TGM7: variants seen among roughly 807,000 people sequenced by gnomAD.
TGM7 encodes transglutaminase 7, also known as protein-glutamine gamma-glutamyltransferase Z.
Under a neutral mutation model 79.5 loss-of-function variants are expected in TGM7, and 74 were observed. That is an observed-to-expected ratio of 0.93 (90% CI 0.77 to 1.13). The LOEUF (loss-of-function observed/expected upper bound fraction) is 1.13. Among genes scored for constraint, TGM7 ranks in the 50% most tolerant of loss-of-function variants. The pLI, the probability that TGM7 is intolerant of heterozygous loss-of-function variation, is 0.00. For synonymous variants in TGM7, 354 were observed against 362.5 expected, an observed-to-expected ratio of 0.98 and a Z score of 0.27; for missense variants, 912 against 905.9, an observed-to-expected ratio of 1.01 and a Z score of -0.09.
At chr15:43,284,723 C>T in intron 7 of TGM7, 91 bp downstream of exon 7, 1 of 1,477,790 alleles carries the variant, frequency 6.8e-7, no homozygotes, top group Non-Finnish European at 9.4e-7. Flanking sequence ...GGCAATCTTG[C>T]AATATTTCCT....
Position 43,292,935 on chromosome 15 carries a change from C to A in TGM7, c.213G>T (p.Leu71=), listed in dbSNP as rs764644862. 4 of 1,613,288 alleles carry A rather than the reference C, an allele frequency of 2.5e-6. No individual in the cohort carries two copies. The East Asian group carries it at 8.9e-5, about 36-fold the overall frequency. The change falls in exon 3 of 13, where the codon CTG becomes CTT. Residue 71 remains leucine, a synonymous_variant. Transcript: ENST00000452443. The stretch of plus-strand genomic sequence containing the variant: ...GGAAGAATGTGGCTCGGGTCCCCAG[C>A]AGCTCTGACGGCTTGGGTCCTGTGT... The part of the protein sequence containing the change: ...VAETGPKPSE[L]LGTRATFFLT...
In TGM7 at chr15:43,287,632, A is replaced by G. The variant is rs757453460; in HGVS notation, c.596T>C (p.Leu199Pro). The G allele has an allele frequency of 1.2e-6, 2 of 1,613,992 alleles. No individual in the cohort carries two copies. The highest frequency in any genetic ancestry group is 1.3e-5 in the African/African-American group (1 of 74,922). The change falls in exon 5 of 13, where the codon CTG becomes CCG. Residue 199 changes from leucine to proline, a missense_variant. Coordinates refer to ENST00000452443, the MANE Select transcript of TGM7 (RefSeq NM_052955.3). Reference protein sequence around the residue: ...EDIIDICFEILNKSLYHLKNP... With the variant: ...EDIIDICFEIPNKSLYHLKNP... Reference sequence around the variant, plus strand: ...CTTTAAGTGATACAGGCTCTTGTTCAGGATCTCAAAGCAGATGTCTATGAT... The same window carrying G: ...CTTTAAGTGATACAGGCTCTTGTTCGGGATCTCAAAGCAGATGTCTATGAT...
rs996028365 is a variant in TGM7, at chr15:43,291,960, C to T, written c.558+19G>A. On this transcript the variant is annotated intron_variant, in intron 4 of 12. Transcript: ENST00000452443. ...CCTTAGGGAGCCCACCCCAGGCCCA[C>T]ATTGGGTAATAGTGTTACCTGCCCG... is the stretch of plus-strand genomic sequence containing the variant. 2.5e-6 allele frequency: 4 copies of T among 1,595,258 alleles called. No individual in the cohort carries two copies. Among genetic ancestry groups the T allele is most frequent in the African/African-American group, 2.7e-5 (2 of 74,474 alleles).
At position 43,279,844 on chromosome 15, in the gene TGM7, C is replaced by T; in HGVS notation, c.1459G>A (p.Asp487Asn). 6.2e-7 allele frequency: 1 copy of T among 1,614,226 alleles called. No individual in the cohort carries two copies. Among genetic ancestry groups the T allele is most frequent in the Non-Finnish European group, 8.5e-7 (1 of 1,180,056 alleles). The change falls in exon 10 of 13, where the codon GAT becomes AAT. Residue 487 changes from aspartate (D) to asparagine (N), a missense_variant. By Grantham distance (23) the Asp-to-Asn change is conservative. Coordinates refer to ENST00000452443, the MANE Select transcript of TGM7 (RefSeq NM_052955.3). ...TGAAGCTGCAGCTGCGCTGGCTGAT[C>T]CCTAAGACCCCCAGACTCCAGGAGA... ...LDLLESGGLR[D>N]QPAQLQLHLA...
At chr15:43,297,583 T>G (rs569297823) in intron 1 of TGM7, among the ~76,000 whole-genome samples, 1 of 39,848 alleles carries the variant, frequency 2.5e-5, no homozygotes, top group Admixed American at 3.5e-4. Context: ...GCCATCTGCA[T>G]GTATAGAAAG....
intron 8 of TGM7, 63 bp from the exon 9 acceptor site, chr15:43,282,149 G>T: frequency 6.3e-7 from 1 of 1,594,058 alleles, no homozygotes; most frequent in Non-Finnish European, 8.6e-7. Context: ...TGTGGGAGGT[G>T]GAGATGGGAT....
rs150338152 is a variant in TGM7, at chr15:43,287,792, G to A, written c.559-123C>T. On this transcript the variant is annotated intron_variant, in intron 4 of 12. Transcript: ENST00000452443. ...GGGGATGTGGGGGCAGGGGGAGGGC[G>A]CTAAATATAAGACAAGTTCCTGCCT... The A allele has an allele frequency of 8.4e-4, 960 of 1,139,742 alleles. 5 individuals are homozygous for A. In the African/African-American group the frequency reaches 0.013, roughly 16 times the overall value. 70.6% of individuals were successfully genotyped at this position (1,139,742 alleles called of 1,614,324 possible).
chr15:43,277,649 T>C (rs948041460), intron 11 of TGM7, among the ~76,000 whole-genome samples: 25 of 152,124 alleles, frequency 1.6e-4, no homozygotes, highest in Non-Finnish European at 3.2e-4. Context: ...GGCCTGTGAG[T>C]GGGAGGCAGG....
At chr15:43,298,524 A>C (rs1315798986) in intron 1 of TGM7, among the ~76,000 whole-genome samples, 1 of 152,206 alleles carries the variant, frequency 6.6e-6, no homozygotes, top group African/African-American at 2.4e-5. Context: ...TGGGAGGCCG[A>C]GGCGGGCGGA....
intron 4 of TGM7, among the ~76,000 whole-genome samples, chr15:43,289,434 G>C (rs2042953681): frequency 6.6e-6 from 1 of 152,112 alleles, no homozygotes; most frequent in African/African-American, 2.4e-5. Context: ...TGGTGTATAT[G>C]TGCCACATTT....
chr15:43,302,001 C>T (rs2043027649), intron 1 of TGM7: 4 of 575,606 alleles, frequency 6.9e-6, no homozygotes, highest in African/African-American at 1.9e-5. Context: ...TTTCAGCCCC[C>T]CAGGTTTTAA....
rs549292415 is a variant in TGM7 at position 43,293,548 on chromosome 15, G to A, written c.94C>T (p.Arg32Trp). 3.7e-6 allele frequency: 6 copies of A among 1,609,250 alleles called. No homozygotes were observed. The highest frequency in any genetic ancestry group is 5.1e-6 in the Non-Finnish European group (6 of 1,178,364). ...EHHTQEMGVK[R>W]LTVRRGQPFY... ...GGCTGGCCGCGGCGCACAGTGAGCC[G>A]CTTGACGCCCATCTCCTGCGTGTGG... Residue 32 changes from arginine (R) to tryptophan (W), a missense_variant, in exon 2 of 13, where the codon CGG (arginine) becomes TGG (tryptophan). By Grantham distance (101) the Arg-to-Trp change is moderately radical. Transcript: ENST00000452443.
chr15:43,291,001 A>G lies in TGM7; in HGVS notation c.558+978T>C, dbSNP rs2042961025. Among the ~76,000 whole-genome samples the G allele has an allele frequency of 2.0e-5, 3 of 152,194 alleles. No homozygotes were observed. The South Asian group carries it at 6.2e-4, about 31-fold the overall frequency. On this transcript the variant is annotated intron_variant, in intron 4 of 12. Transcript: ENST00000452443. ...GGTTTTCTAGATATACAATCATGTCATCTGCAAACAGGGACACTTTGACTT... is the reference window on the plus strand; with the variant it reads ...GGTTTTCTAGATATACAATCATGTCGTCTGCAAACAGGGACACTTTGACTT...
intron 7 of TGM7, among the ~76,000 whole-genome samples, chr15:43,284,253 G>C (rs549550954): frequency 3.9e-5 from 6 of 152,192 alleles, no homozygotes; most frequent in South Asian, 2.1e-4. Context: ...TGGAAAAAGA[G>C]AAACAGGAAA....
intron 2 of TGM7, 48 bp downstream of exon 2, chr15:43,293,401 C>T: frequency 6.5e-7 from 1 of 1,536,832 alleles, no homozygotes; most frequent in South Asian, 1.2e-5. Flanking sequence ...TCTGTAAATG[C>T]CCTCATTTTG....
At chr15:43,282,230 T>C in intron 8 of TGM7, 144 bp from the exon 9 acceptor site, 1 of 1,255,850 alleles carries the variant, frequency 8.0e-7, no homozygotes, top group Non-Finnish European at 1.1e-6. Context: ...TTCCCATTAA[T>C]TCATCTGACC....
chr15:43,301,310 A>C (rs915314953), intron 1 of TGM7, among the ~76,000 whole-genome samples: 1 of 151,438 alleles, frequency 6.6e-6, no homozygotes. Context: ...CCATTAGAAC[A>C]TGATACATGC....
rs763843807 is a variant in TGM7 at position 43,279,326 on chromosome 15, AG to A, written c.1679-50del. On this transcript the variant is annotated intron_variant, in intron 10 of 12. Transcript: ENST00000452443. ...TGAGTCCAGGACATGGACCAGAGAG[AG>A]GGGGGACATGTAGATGTGAGAGAGG... 8 of 1,579,910 alleles carry A rather than the reference AG, an allele frequency of 5.1e-6. 2 individuals carry two copies. The South Asian group carries it at 5.7e-5, about 11-fold the overall frequency.
At chr15:43,297,729 A>C (rs1441020082) in intron 1 of TGM7, among the ~76,000 whole-genome samples, 1 of 152,206 alleles carries the variant, frequency 6.6e-6, no homozygotes, top group African/African-American at 2.4e-5. Context: ...AACCCAAGAC[A>C]GCCCTGCCCT....
Sources: allele counts gnomAD v4.1 joint callset (sites outside exome capture counted in the v4.1 genomes callset), GRCh38; gene constraint gnomAD v4.1.1; transcripts MANE v1.5; gene names NCBI Gene and HGNC (gene_info 2026-07-23, HGNC 2026-07-21).